Variants in LRIF1 observed in about 807,000 individuals in gnomAD.
LRIF1 encodes the protein ligand-dependent nuclear receptor-interacting factor 1.
A neutral mutation model predicts 52.7 loss-of-function variants in LRIF1; 32 were observed. That is an observed-to-expected ratio of 0.61 (90% CI 0.46 to 0.82). The LOEUF is 0.82. Ranked by LOEUF, LRIF1 falls within the 40% of genes least tolerant of loss-of-function variation. The probability of loss-of-function intolerance (pLI) is 0.00; values close to 1 mark genes in which losing one functional copy is unlikely to be tolerated. For synonymous variants in LRIF1, 323 were observed against 317.4 expected, an observed-to-expected ratio of 1.02 and a Z score of -0.19; for missense variants, 887 against 892.0, an observed-to-expected ratio of 0.99 and a Z score of 0.07.
At chr1:110,958,956 C>G (rs140705204) in intron 1 of LRIF1, among the ~76,000 whole-genome samples, 176 of 152,302 alleles carry the variant, frequency 1.2e-3, no homozygotes, top group African/African-American at 4.0e-3. Flanking sequence ...GAAATTCGTA[C>G]TCCTTCTATC....
Position 110,952,270 on chromosome 1 carries a change from A to G in LRIF1, c.614T>C (p.Val205Ala), listed in dbSNP as rs745347812. 1.2e-6 allele frequency: 2 copies of G among 1,614,084 alleles called. No homozygotes were observed. Among genetic ancestry groups the G allele is most frequent in the Non-Finnish European group, 8.5e-7 (1 of 1,180,036 alleles). ...GGCAGTTGCAAGTATCTTTTGCTGC[A>G]CTGAAGGAGGCAATGATGACGCTGG... Reference protein sequence around the residue: ...SVPASSLPPSVQQKILATATT... With the variant: ...SVPASSLPPSAQQKILATATT... The change falls in exon 2 of 4, where the codon GTG (valine) becomes GCG (alanine). Residue 205 changes from valine (V) to alanine (A), a missense_variant. By Grantham distance (64) the Val-to-Ala change is moderately conservative (BLOSUM62 0). Transcript: ENST00000369763.
chr1:110,910,292 CAA>C, the LRIF1 span, among the ~76,000 whole-genome samples: 11,728 of 134,378 alleles, frequency 0.087, 1,601 homozygotes, highest in African/African-American at 0.3. Flanking sequence ...AAGCAATTCT[CAA>C]AAAAAAAAAA....
chr1:110,885,908 G>GA, the LRIF1 span, among the ~76,000 whole-genome samples: 1 of 152,004 alleles, frequency 6.6e-6, no homozygotes, highest in East Asian at 1.9e-4. Flanking sequence ...TAAATAACAA[G>GA]AAAAAAAGTA....
intron 2 of LRIF1, among the ~76,000 whole-genome samples, chr1:110,950,439 TGTA>T (rs1365521205): frequency 3.9e-5 from 6 of 152,192 alleles, no homozygotes; most frequent in Non-Finnish European, 8.8e-5. Context: ...ATTTAGAAAT[TGTA>T]GTCTTCTGGA....
intron 1 of LRIF1, among the ~76,000 whole-genome samples, chr1:110,958,974 AG>A (rs1658834035): frequency 1.3e-5 from 2 of 152,216 alleles, no homozygotes; most frequent in Non-Finnish European, 2.9e-5. Flanking sequence ...ATCAATATAC[AG>A]TTTTTCATAT....
chr1:110,952,334 G>T lies in LRIF1; in HGVS notation c.550C>A (p.His184Asn). ...VKSPVLPSGHHLQIPAHAEVK... is the reference protein window; with the variant it reads ...VKSPVLPSGHNLQIPAHAEVK... ...TCAGCATGGGCTGGAATCTGTAAAT[G>T]ATGCCCAGAAGGCAAAACTGGAGAC... Residue 184 changes from histidine (H) to asparagine (N), a missense_variant, in exon 2 of 4, where the codon CAT (histidine) becomes AAT (asparagine). Coordinates refer to ENST00000369763, the MANE Select transcript of LRIF1 (RefSeq NM_018372.4). 1 of 1,614,122 alleles carries T rather than the reference G, an allele frequency of 6.2e-7. No individual in the cohort carries two copies. The highest frequency in any genetic ancestry group is 8.5e-7 in the Non-Finnish European group (1 of 1,179,978).
At chr1:110,881,658 T>G in the LRIF1 span, among the ~76,000 whole-genome samples, 1 of 152,236 alleles carries the variant, frequency 6.6e-6, no homozygotes, top group African/African-American at 2.4e-5. Flanking sequence ...GATAAGTATA[T>G]GTTTAACTTT....
chr1:110,907,424 A>G, the LRIF1 span, among the ~76,000 whole-genome samples: 1 of 152,158 alleles, frequency 6.6e-6, no homozygotes, highest in Non-Finnish European at 1.5e-5. Flanking sequence ...TTTGGTGGGC[A>G]TCTTGCTCCA....
chr1:110,916,438 G>C, the LRIF1 span, among the ~76,000 whole-genome samples: 1 of 151,976 alleles, frequency 6.6e-6, no homozygotes, highest in African/African-American at 2.4e-5. Context: ...AGTAAATGCA[G>C]AGAAACAACA....
At chr1:110,882,182 C>T in the LRIF1 span, among the ~76,000 whole-genome samples, 12 of 151,732 alleles carry the variant, frequency 7.9e-5, no homozygotes, top group Non-Finnish European at 1.3e-4. Context: ...CTTTGCATAA[C>T]CAAGGTTGCA....
the LRIF1 span, among the ~76,000 whole-genome samples, chr1:110,904,947 T>C: frequency 2.6e-5 from 4 of 152,140 alleles, no homozygotes; most frequent in African/African-American, 9.7e-5. Context: ...ATTAAAATAA[T>C]TAAAAAGAAT....
the LRIF1 span, among the ~76,000 whole-genome samples, chr1:110,910,625 A>C: frequency 6.6e-6 from 1 of 152,232 alleles, no homozygotes; most frequent in East Asian, 1.9e-4. Flanking sequence ...AAAACAAAAC[A>C]AACCTGAAAA....
the LRIF1 span, among the ~76,000 whole-genome samples, chr1:110,915,950 G>T: frequency 6.6e-6 from 1 of 152,182 alleles, no homozygotes; most frequent in Non-Finnish European, 1.5e-5. Context: ...GATGACTGTT[G>T]CCTATCTTCG....
the LRIF1 span, chr1:110,940,157 AAAAATGAGC>A: frequency 5.3e-5 from 8 of 152,174 alleles, no homozygotes; most frequent in Non-Finnish European, 8.8e-5. Context: ...AATCTGATCA[AAAAATGAGC>A]AAAAGATTTG....
At chr1:110,905,692 A>G in the LRIF1 span, among the ~76,000 whole-genome samples, 1 of 152,212 alleles carries the variant, frequency 6.6e-6, no homozygotes, top group East Asian at 1.9e-4. Flanking sequence ...AATCATATGA[A>G]GATACAAAGC....
At chr1:110,916,157 A>C in the LRIF1 span, among the ~76,000 whole-genome samples, 1 of 152,192 alleles carries the variant, frequency 6.6e-6, no homozygotes, top group Admixed American at 6.5e-5. Context: ...CCCAGATGAA[A>C]AGTCTGAAAC....
the LRIF1 span, chr1:110,896,764 A>G: frequency 6.3e-7 from 1 of 1,579,268 alleles, no homozygotes; most frequent in Non-Finnish European, 8.7e-7. Context: ...TCTGTTATTG[A>G]CCTCTTTGTT....
chr1:110,905,513 C>T, the LRIF1 span, among the ~76,000 whole-genome samples: 1 of 151,574 alleles, frequency 6.6e-6, no homozygotes, highest in African/African-American at 2.4e-5. Context: ...GAAAAACCTA[C>T]CCTAGAATAG....
At chr1:110,916,543 G>A in the LRIF1 span, among the ~76,000 whole-genome samples, 1 of 151,960 alleles carries the variant, frequency 6.6e-6, no homozygotes, top group African/African-American at 2.4e-5. Context: ...TTGGAAAATA[G>A]AAAGCAATAA....
Sources: allele counts gnomAD v4.1 joint callset (sites outside exome capture counted in the v4.1 genomes callset), GRCh38; gene constraint gnomAD v4.1.1; transcripts MANE v1.5; gene names NCBI Gene and HGNC (gene_info 2026-07-23, HGNC 2026-07-21).